The following GRID2 variants were observed in gnomAD, a reference collection of about 807,000 sequenced individuals.
GRID2 encodes glutamate ionotropic receptor delta type subunit 2, also known as glutamate receptor ionotropic, delta-2.
In GRID2, 33 loss-of-function variants were observed where a neutral mutation model predicts 114.8. The ratio of observed to expected loss-of-function variants is 0.29; its 90% CI spans 0.22 to 0.38. The LOEUF (loss-of-function observed/expected upper bound fraction) is 0.38, where lower values mean the gene tolerates loss of function less well. Among genes scored for constraint, GRID2 ranks in the 10% least tolerant of loss-of-function variants. The pLI is 1.00. For missense variants in GRID2, 1,184 were observed against 1,257.7 expected, an observed-to-expected ratio of 0.94 and a Z score of 0.89; for synonymous variants, 505 against 449.9, an observed-to-expected ratio of 1.12 and a Z score of -1.55.
At chr4:92,601,026 C>A (rs375817505) in intron 2 of GRID2, among the ~76,000 whole-genome samples, 2 of 152,118 alleles carry the variant, frequency 1.3e-5, no homozygotes, top group Non-Finnish European at 2.9e-5. Flanking sequence ...CGTCCCTCCC[C>A]CAAAGGGCTT....
chr4:93,115,237 A>G (rs999335024), intron 4 of GRID2, among the ~76,000 whole-genome samples: 2 of 151,928 alleles, frequency 1.3e-5, no homozygotes, highest in Non-Finnish European at 2.9e-5. Context: ...TTTATTTTTT[A>G]TTTTAAAATT....
intron 2 of GRID2, among the ~76,000 whole-genome samples, chr4:92,819,673 A>G (rs1410161385): frequency 6.6e-6 from 1 of 152,178 alleles, no homozygotes; most frequent in Admixed American, 6.6e-5. Context: ...TTGTGGAAAT[A>G]TTTGACTACC....
At chr4:93,682,730 A>G (rs545627691) in intron 14 of GRID2, among the ~76,000 whole-genome samples, 183 of 145,022 alleles carry the variant, frequency 1.3e-3, no homozygotes, top group African/African-American at 4.5e-3. Context: ...GAATTGCACA[A>G]TGAGAACACA....
chr4:93,496,271 A>G lies in GRID2; in HGVS notation c.1997+5494A>G, dbSNP rs529012501. Among the ~76,000 whole-genome samples, 10 of 151,922 alleles carry G rather than the reference A, an allele frequency of 6.6e-5. No individual in the cohort carries two copies. In the East Asian group the frequency reaches 1.9e-3, roughly 30 times the overall value. ...TCTTATAACTTTTAATTTTGCAATT[A>G]TTATATATACACAGGAAGTTTCAAA... On this transcript the variant is annotated intron_variant, in intron 12 of 15. Transcript: ENST00000282020.
chr4:93,365,185 G>A (rs1043333011), intron 8 of GRID2, among the ~76,000 whole-genome samples: 1 of 152,120 alleles, frequency 6.6e-6, no homozygotes, highest in Admixed American at 6.6e-5. Flanking sequence ...TCTGAGACTT[G>A]AGGGTGATAT....
At chr4:92,514,025 G>T (rs950659581) in intron 1 of GRID2, among the ~76,000 whole-genome samples, 1 of 151,818 alleles carries the variant, frequency 6.6e-6, no homozygotes, top group Non-Finnish European at 1.5e-5. Context: ...CTTTGGAACT[G>T]TGGGACATGG....
intron 4 of GRID2, among the ~76,000 whole-genome samples, chr4:93,199,463 T>A (rs1441084901): frequency 6.6e-6 from 1 of 152,194 alleles, no homozygotes; most frequent in East Asian, 1.9e-4. Context: ...GTGGCATATT[T>A]TCATCTCCCA....
At chr4:92,703,753 T>C (rs1183008281) in intron 2 of GRID2, among the ~76,000 whole-genome samples, 1 of 151,990 alleles carries the variant, frequency 6.6e-6, no homozygotes, top group Middle Eastern at 3.4e-3. Context: ...TAACAATAAT[T>C]GAGAGCTATT....
chr4:92,643,593 A>C (rs1383237343), intron 2 of GRID2, among the ~76,000 whole-genome samples: 1 of 151,806 alleles, frequency 6.6e-6, no homozygotes, highest in African/African-American at 2.4e-5. Context: ...AATAGCTACA[A>C]AAAAATGAAA....
intron 1 of GRID2, among the ~76,000 whole-genome samples, chr4:92,529,628 G>A (rs1725231419): frequency 6.6e-6 from 1 of 152,042 alleles, no homozygotes; most frequent in Admixed American, 6.6e-5. Flanking sequence ...ACATGAAGTT[G>A]GCCCACTAAG....
intron 8 of GRID2, among the ~76,000 whole-genome samples, chr4:93,279,542 T>C (rs1027797486): frequency 1.3e-5 from 2 of 151,894 alleles, no homozygotes; most frequent in Non-Finnish European, 2.9e-5. Flanking sequence ...AATATAATTC[T>C]ATAAATTGGA....
At chr4:92,571,434 C>A (rs951690664) in intron 1 of GRID2, among the ~76,000 whole-genome samples, 2 of 151,738 alleles carry the variant, frequency 1.3e-5, no homozygotes, top group Non-Finnish European at 2.9e-5. Context: ...AATAATAATG[C>A]GAGACTTTAA....
At chr4:93,420,779 A>C (rs936413757) in intron 9 of GRID2, among the ~76,000 whole-genome samples, 1 of 143,460 alleles carries the variant, frequency 7.0e-6, no homozygotes, top group African/African-American at 2.6e-5. Flanking sequence ...TTTTTGAGAC[A>C]GTCTCACTCT....
At chr4:93,313,613 C>G (rs565417914) in intron 8 of GRID2, among the ~76,000 whole-genome samples, 132 of 152,258 alleles carry the variant, frequency 8.7e-4, no homozygotes, top group African/African-American at 3.1e-3. Context: ...AACATACTTC[C>G]ATTCTTAGGA....
chr4:93,064,696 T>G (rs1364879909), intron 2 of GRID2, among the ~76,000 whole-genome samples: 1 of 151,920 alleles, frequency 6.6e-6, no homozygotes, highest in Non-Finnish European at 1.5e-5. Context: ...GAGATTATTG[T>G]GTTTCACATC....
chr4:92,836,771 C>T (rs997785224), intron 2 of GRID2, among the ~76,000 whole-genome samples: 12 of 152,056 alleles, frequency 7.9e-5, no homozygotes, highest in Non-Finnish European at 1.5e-4. Context: ...CATATAAATG[C>T]ACTTAATTGA....
intron 2 of GRID2, among the ~76,000 whole-genome samples, chr4:92,628,660 A>G (rs957378931): frequency 2.6e-5 from 4 of 151,988 alleles, no homozygotes; most frequent in Admixed American, 1.3e-4. Context: ...GCCAGGCCCC[A>G]CTGTTCTGTT....
At chr4:93,579,827 C>T (rs1736785205) in intron 13 of GRID2, among the ~76,000 whole-genome samples, 1 of 152,166 alleles carries the variant, frequency 6.6e-6, no homozygotes. Context: ...GGCTTTCCAA[C>T]TCCCTCTTGC....
chr4:93,533,537 C>CTT (rs34014956), intron 13 of GRID2, among the ~76,000 whole-genome samples: 363 of 86,492 alleles, frequency 4.2e-3, no homozygotes, highest in East Asian at 9.9e-3. Flanking sequence ...CCACACCCAG[C>CTT]TTTTTTTTTT....
Sources: allele counts gnomAD v4.1 joint callset (sites outside exome capture counted in the v4.1 genomes callset), GRCh38; gene constraint gnomAD v4.1.1; transcripts MANE v1.5; gene names NCBI Gene and HGNC (gene_info 2026-07-23, HGNC 2026-07-21).